Variants in TPTE observed in about 807,000 individuals in gnomAD.
The protein encoded by TPTE is transmembrane phosphatase with tensin homology, also known as putative tyrosine-protein phosphatase TPTE.
In TPTE, 59 loss-of-function variants were observed where a neutral mutation model predicts 84.1. The ratio of observed to expected loss-of-function variants is 0.70; its 90% CI spans 0.57 to 0.87. The LOEUF is 0.87. TPTE is among the 40% of genes least tolerant of loss of function. The probability of loss-of-function intolerance (pLI) is 0.00; values close to 1 mark genes in which losing one functional copy is unlikely to be tolerated. For synonymous variants in TPTE, 130 were observed against 223.5 expected, an observed-to-expected ratio of 0.58 and a Z score of 3.73; for missense variants, 382 against 659.6, an observed-to-expected ratio of 0.58 and a Z score of 4.61.
Position 10,603,603 on chromosome 21 carries a change from G to A in TPTE, c.1491G>A (p.Trp497Ter). ...TYYDNCSFYF[W>*]LHTSFIENNR... ...ATGACAATTGCTCATTTTACTTCTG[G>A]TTGCACACATCTTTTATTGAAAATA... Residue 497 changes from tryptophan to a stop codon, truncating the protein, a stop_gained, in exon 23 of 24, where the codon TGG becomes TGA. Coordinates refer to ENST00000618007, the MANE Select transcript of TPTE (RefSeq NM_199261.4). LOFTEE classifies it high-confidence loss of function. 6.2e-7 allele frequency: 1 copy of A among 1,612,540 alleles called. No individual in the cohort carries two copies.
intron 14 of TPTE, among the ~76,000 whole-genome samples, chr21:10,574,734 G>A (rs1211130127): frequency 6.6e-6 from 1 of 152,308 alleles, no homozygotes; most frequent in East Asian, 1.9e-4. Context: ...AGCAGTGAGT[G>A]AGTGTGCAGT....
At position 10,590,509 on chromosome 21, in the gene TPTE, T is replaced by A. The variant is rs367973111; in HGVS notation, c.1075T>A (p.Cys359Ser). ...VCAFLIASEI[C>S]STAKESLYYF... ...TGCCTTCCTTATTGCCTCTGAAATA[T>A]GTTCAACTGCAAAGGTATGAAAGAT... The change falls in exon 18 of 24, where the codon TGT becomes AGT. Residue 359 changes from cysteine (C) to serine (S), a missense_variant. Cys to Ser is a moderately radical substitution (Grantham distance 112). Coordinates refer to ENST00000618007, the MANE Select transcript of TPTE (RefSeq NM_199261.4). 7 of 1,614,078 alleles carry A rather than the reference T, an allele frequency of 4.3e-6. No individual in the cohort carries two copies. In the African/African-American group the frequency reaches 9.3e-5, roughly 21 times the overall value.
At chr21:10,578,108 A>G (rs1308315990) in intron 15 of TPTE, among the ~76,000 whole-genome samples, 66 of 152,176 alleles carry the variant, frequency 4.3e-4, no homozygotes, top group African/African-American at 1.5e-3. Flanking sequence ...TAAAAATTAT[A>G]CCTATTAAAC....
At chr21:10,573,649 G>C (rs1241174130) in intron 14 of TPTE, among the ~76,000 whole-genome samples, 1 of 152,426 alleles carries the variant, frequency 6.6e-6, no homozygotes, top group Admixed American at 6.5e-5. Flanking sequence ...ATTACACATT[G>C]TATACAAGTA....
At chr21:10,595,020 A>G (rs1256904261) in intron 19 of TPTE, among the ~76,000 whole-genome samples, 1 of 152,310 alleles carries the variant, frequency 6.6e-6, no homozygotes, top group Non-Finnish European at 1.5e-5. Context: ...CAGTCTGTGA[A>G]CTTATGAGTT....
At chr21:10,543,948 C>T (rs2074419636) in intron 7 of TPTE, among the ~76,000 whole-genome samples, 2 of 152,430 alleles carry the variant, frequency 1.3e-5, no homozygotes, top group Admixed American at 1.3e-4. Flanking sequence ...GAGGTTGGTG[C>T]CTAGACCCAG....
chr21:10,554,135 C>G (rs189389484), intron 8 of TPTE, among the ~76,000 whole-genome samples: 31 of 152,368 alleles, frequency 2.0e-4, no homozygotes, highest in African/African-American at 7.2e-4. Context: ...GACATCATGG[C>G]TATATTTTTT....
intron 1 of TPTE, among the ~76,000 whole-genome samples, chr21:10,522,867 A>C (rs2074008352): frequency 6.6e-6 from 1 of 152,312 alleles, no homozygotes; most frequent in Admixed American, 6.5e-5. Flanking sequence ...CATGTCTTTG[A>C]TGTAAGAATA....
At chr21:10,545,743 TTGTG>T (rs1203790647) in intron 7 of TPTE, among the ~76,000 whole-genome samples, 4 of 151,804 alleles carry the variant, frequency 2.6e-5, no homozygotes, top group East Asian at 1.9e-4. Context: ...AAATATGTAT[TTGTG>T]TGTATATAGA....
chr21:10,573,059 T>TAA (rs56182104), intron 14 of TPTE, among the ~76,000 whole-genome samples: 2,721 of 143,654 alleles, frequency 0.019, no homozygotes, highest in South Asian at 0.064. Flanking sequence ...TGCCAAGATT[T>TAA]AAAAAAAAAA....
Position 10,576,077 on chromosome 21 carries a change from A to G in TPTE, c.796-1383A>G, listed in dbSNP as rs1332015756. Among the ~76,000 whole-genome samples, 14 of 152,356 alleles carry G rather than the reference A, an allele frequency of 9.2e-5. No homozygotes were observed. The East Asian group carries it at 1.6e-3, about 17-fold the overall frequency. ...AGACCCAGCAATCCCATTATGGGGT[A>G]TATACCCAAAGGAATATAAATCATT... is the stretch of plus-strand genomic sequence containing the variant. On this transcript the variant is annotated intron_variant, in intron 14 of 23. Coordinates refer to ENST00000618007, the MANE Select transcript of TPTE (RefSeq NM_199261.4).
At chr21:10,533,980 G>T (rs531117286) in intron 3 of TPTE, among the ~76,000 whole-genome samples, 3 of 152,310 alleles carry the variant, frequency 2.0e-5, no homozygotes, top group Admixed American at 6.5e-5. Context: ...GTTACAGCTG[G>T]ATGTTTTGTC....
intron 17 of TPTE, among the ~76,000 whole-genome samples, chr21:10,583,384 A>G (rs1287762310): frequency 4.6e-5 from 7 of 152,312 alleles, no homozygotes; most frequent in East Asian, 1.9e-4. Flanking sequence ...CCTTTTTTGT[A>G]AAGTAACTTT....
At chr21:10,573,698 A>G (rs1308168586) in intron 14 of TPTE, among the ~76,000 whole-genome samples, 1 of 152,282 alleles carries the variant, frequency 6.6e-6, no homozygotes, top group African/African-American at 2.4e-5. Context: ...ATGAACAAGT[A>G]TTATGTGTCA....
intron 2 of TPTE, among the ~76,000 whole-genome samples, chr21:10,527,133 C>T (rs77281442): frequency 1.8e-4 from 26 of 148,498 alleles, no homozygotes; most frequent in Non-Finnish European, 2.7e-4. Flanking sequence ...TTCTGTGTCC[C>T]CTCTCTCTCT....
At chr21:10,551,265 A>T (rs1242079790) in intron 7 of TPTE, among the ~76,000 whole-genome samples, 1 of 138,982 alleles carries the variant, frequency 7.2e-6, no homozygotes, top group Non-Finnish European at 1.5e-5. Context: ...GAAGGGGGAC[A>T]TCACACACTG....
chr21:10,580,055 GGT>G (rs1369039616), intron 17 of TPTE, among the ~76,000 whole-genome samples: 1 of 152,312 alleles, frequency 6.6e-6, no homozygotes, highest in Non-Finnish European at 1.5e-5. Context: ...CATCCTAACA[GGT>G]GTGAGGATAT....
chr21:10,590,561 T>G (rs1165492982), intron 18 of TPTE, 38 bp downstream of exon 18: 2 of 1,612,986 alleles, frequency 1.2e-6, no homozygotes, highest in South Asian at 1.1e-5. Flanking sequence ...CTTAGGATGA[T>G]TGAGTTTGCT....
intron 3 of TPTE, among the ~76,000 whole-genome samples, 187 bp from the exon 4 acceptor site, chr21:10,538,494 G>A (rs1259234166): frequency 1.3e-5 from 2 of 152,300 alleles, no homozygotes; most frequent in African/African-American, 2.4e-5. Context: ...AGCCTAAGAT[G>A]TTGGTTGCCA....
Sources: gnomAD v4.1 joint callset for allele counts (sites outside exome capture counted in the v4.1 genomes callset) on GRCh38, gnomAD v4.1.1 for gene constraint, MANE v1.5 for transcripts, NCBI Gene and HGNC (gene_info 2026-07-23, HGNC 2026-07-21) for gene names.